THOC2: variants seen among roughly 807,000 people sequenced by gnomAD.
THOC2 encodes the protein THO complex subunit 2.
Under a neutral mutation model 128.4 loss-of-function variants are expected in THOC2, and 10 were observed. That is an observed-to-expected ratio of 0.08 (90% confidence interval 0.05 to 0.13). The LOEUF is 0.13. THOC2 is among the 10% of genes least tolerant of loss of function. The pLI is 1.00. For missense variants in THOC2, 535 were observed against 1,155.7 expected (o/e 0.46, Z 7.79); for synonymous variants, 393 against 396.9 (o/e 0.99, Z 0.12).
At chrX:123,695,211 C>A (rs759460888) in intron 7 of THOC2, among the ~76,000 whole-genome samples, 2 of 111,255 alleles carry the variant, frequency 1.8e-5, no homozygotes, top group Non-Finnish European at 3.8e-5. Flanking sequence ...TATGACTCCT[C>A]TGGCAGGTCT....
chrX:123,627,471 T>G (rs745575698), intron 23 of THOC2, among the ~76,000 whole-genome samples: 85 of 111,713 alleles, frequency 7.6e-4, no homozygotes, highest in Non-Finnish European at 4.7e-4. Context: ...TAGTCGTCAG[T>G]AGAAAAGGAC....
At chrX:123,620,671 T>C in intron 32 of THOC2, 1 of 315,148 alleles carries the variant, frequency 3.2e-6, no homozygotes, top group Non-Finnish European at 5.5e-6. Flanking sequence ...TCTCTTGCAC[T>C]TTGAAACACT....
At chrX:123,623,317 C>A (rs1413893088) in intron 28 of THOC2, 34 bp from the exon 29 acceptor site, 4 of 1,112,297 alleles carry the variant, frequency 3.6e-6, no homozygotes, top group Admixed American at 3.0e-5. Flanking sequence ...AATATACAAA[C>A]ACAAATCAAA....
intron 15 of THOC2, 37 bp from the exon 16 acceptor site, chrX:123,640,659 A>C (rs748717911): frequency 7.8e-5 from 66 of 844,337 alleles, no homozygotes; most frequent in Non-Finnish European, 1.0e-4. Flanking sequence ...GATCATCTTA[A>C]GTAACATTCC....
intron 1 of THOC2, among the ~76,000 whole-genome samples, chrX:123,725,538 G>A (rs1297735993): frequency 3.9e-5 from 4 of 103,555 alleles, no homozygotes; most frequent in Non-Finnish European, 7.8e-5. Context: ...CCTGCAGGTC[G>A]AGGCTGCAGT....
chrX:123,703,837 G>A (rs1298786803), intron 3 of THOC2, among the ~76,000 whole-genome samples: 1 of 85,571 alleles, frequency 1.2e-5, no homozygotes, highest in Non-Finnish European at 2.1e-5. Flanking sequence ...GCTGCAGTGA[G>A]CCAAGATCGC....
intron 1 of THOC2, among the ~76,000 whole-genome samples, chrX:123,727,911 G>T (rs1019440821): frequency 8.9e-6 from 1 of 112,643 alleles, no homozygotes; most frequent in African/African-American, 3.2e-5. Context: ...GGACTTAAAA[G>T]GTATTTTGTG....
At chrX:123,726,967 A>AG (rs1397468415) in intron 1 of THOC2, among the ~76,000 whole-genome samples, 5 of 111,538 alleles carry the variant, frequency 4.5e-5, no homozygotes, top group African/African-American at 1.6e-4. Flanking sequence ...TGGGAGGCTG[A>AG]GGGGGGAGGA....
intron 22 of THOC2, among the ~76,000 whole-genome samples, chrX:123,628,682 G>A (rs1380510402): frequency 9.5e-6 from 1 of 104,909 alleles, no homozygotes; most frequent in African/African-American, 3.5e-5. Context: ...CTTCACTCCA[G>A]ACTGGATGAC....
At chrX:123,638,803 T>C (rs2047793178) in intron 17 of THOC2, 131 bp downstream of exon 17, 3 of 406,245 alleles carry the variant, frequency 7.4e-6, no homozygotes, top group Admixed American at 7.8e-5. Flanking sequence ...CACAATTGAC[T>C]GACCAAACTT....
In THOC2 at chrX:123,604,320, T is replaced by C. The variant is rs147820118; in HGVS notation, c.*19-2982A>G. ...CCTACTCTGCTGAGACAAGATTATA[T>C]GTGTGAACGCCATTTTATATTGGTA... On this transcript the variant is annotated intron_variant, in intron 38 of 38. Transcript: ENST00000245838. Among the ~76,000 whole-genome samples, 814 of 111,732 alleles carry C rather than the reference T, an allele frequency of 7.3e-3. 6 individuals are homozygous for C. Among genetic ancestry groups the C allele is most frequent in the African/African-American group, 0.025 (755 of 30,779 alleles).
chrX:123,632,335 T>C (rs1222071348), intron 21 of THOC2, among the ~76,000 whole-genome samples: 1 of 107,972 alleles, frequency 9.3e-6, no homozygotes, highest in Non-Finnish European at 1.9e-5. Context: ...AAAAAAAATC[T>C]AAAAATTAGC....
intron 38 of THOC2, among the ~76,000 whole-genome samples, chrX:123,607,912 C>T (rs2046539345): frequency 9.2e-6 from 1 of 109,247 alleles, no homozygotes; most frequent in South Asian, 4.0e-4. Flanking sequence ...CCTGACCAAC[C>T]CTGGAATGTA....
In THOC2 at chrX:123,624,756, T is replaced by C. The variant is rs1214904937; in HGVS notation, c.3058-87A>G. 4 of 901,132 alleles carry C rather than the reference T, an allele frequency of 4.4e-6. No individual in the cohort carries two copies. In the East Asian group the frequency reaches 1.3e-4, roughly 29 times the overall value. 74.3% of individuals were successfully genotyped at this position (901,132 alleles called of 1,213,427 possible). A position where few individuals can be genotyped will look rare whatever the true frequency, so the allele number is the denominator to read the frequency against. On this transcript the variant is annotated intron_variant, in intron 25 of 38. Coordinates refer to ENST00000245838, the MANE Select transcript of THOC2 (RefSeq NM_001081550.2). Reference sequence around the variant, plus strand: ...TAGAAGATTCTCTTACAGCAAGTCATAATAAACAGGTAAGCCTAGTCAAAA... The same window carrying C: ...TAGAAGATTCTCTTACAGCAAGTCACAATAAACAGGTAAGCCTAGTCAAAA...
At chrX:123,710,998 A>C (rs1188746742) in intron 2 of THOC2, among the ~76,000 whole-genome samples, 8 of 101,936 alleles carry the variant, frequency 7.8e-5, no homozygotes, top group Non-Finnish European at 1.6e-4. Flanking sequence ...TCAAAAAAAA[A>C]AAACCATCTT....
intron 22 of THOC2, among the ~76,000 whole-genome samples, chrX:123,630,297 A>G (rs1434013833): frequency 3.6e-5 from 4 of 111,461 alleles, no homozygotes; most frequent in African/African-American, 1.3e-4. Context: ...ACTTCTCACT[A>G]TTGTTCAAAA....
chrX:123,656,051 G>C (rs746114458), intron 12 of THOC2, among the ~76,000 whole-genome samples: 1 of 108,895 alleles, frequency 9.2e-6, no homozygotes, highest in East Asian at 2.9e-4. Flanking sequence ...GGCCGGGCGT[G>C]GTGGCTCATG....
intron 28 of THOC2, 178 bp from the exon 29 acceptor site, chrX:123,623,461 A>T (rs1051874352): frequency 5.0e-6 from 3 of 604,483 alleles, no homozygotes; most frequent in Non-Finnish European, 7.2e-6. Flanking sequence ...TTTCTTAAAA[A>T]TTACAATTTC....
intron 12 of THOC2, among the ~76,000 whole-genome samples, chrX:123,659,002 G>A (rs749423455): frequency 4.3e-4 from 48 of 112,050 alleles, no homozygotes; most frequent in African/African-American, 1.4e-3. Context: ...AAATATATAG[G>A]TGCTATCAAA....
Sources: allele counts gnomAD v4.1 joint callset (sites outside exome capture counted in the v4.1 genomes callset), GRCh38; gene constraint gnomAD v4.1.1; transcripts MANE v1.5; gene names NCBI Gene and HGNC (gene_info 2026-07-23, HGNC 2026-07-21).